The following XCL1 variants were observed in gnomAD, a reference collection of about 807,000 sequenced individuals.
The protein encoded by XCL1 is lymphotactin.
In XCL1, 6 loss-of-function variants were observed where a neutral mutation model predicts 7.4. The ratio of observed to expected loss-of-function variants is 0.82; its 90% CI spans 0.45 to 1.61. The LOEUF (loss-of-function observed/expected upper bound fraction) is 1.61, where lower values mean the gene tolerates loss of function less well. XCL1 is among the 40% of genes most tolerant of loss of function. XCL1 has a pLI of 0.01. For synonymous variants in XCL1, 48 were observed against 52.4 expected (o/e 0.92, Z 0.36); for missense variants, 122 against 138.2 (o/e 0.88, Z 0.59).
Position 168,581,845 on chromosome 1 carries a change from G to A in XCL1, c.*625G>A, listed in dbSNP as rs554183220. ...TCCCATTAGCAAAAATTAGAATTTT[G>A]GTATAAAGAAACTTTATTCAAGTAA... On this transcript the variant is annotated 3_prime_UTR_variant, in exon 3 of 3. Transcript: ENST00000367818. 2.0e-5 allele frequency: 3 copies of A among 151,908 alleles called. No individual in the cohort carries two copies. The highest frequency in any genetic ancestry group is 2.9e-5 in the Non-Finnish European group (2 of 67,980). The allele number at this position is 151,908 out of a possible 1,614,324, so 9.4% of individuals were successfully genotyped here.
Position 168,576,636 on chromosome 1 carries a change from C to A in XCL1, c.-2C>A, listed in dbSNP as rs1170371047. 6.2e-7 allele frequency: 1 copy of A among 1,613,630 alleles called. No homozygotes were observed. Among genetic ancestry groups the A allele is most frequent in the Non-Finnish European group, 8.5e-7 (1 of 1,179,758 alleles). On this transcript the variant is annotated 5_prime_UTR_variant, in exon 1 of 3. Transcript: ENST00000367818. ...CTTGCACAGCTCAGCAGGACCTCAG[C>A]CATGAGACTTCTCATCCTGGCCCTC...
At chr1:168,577,358 A>T (rs1388292663) in intron 1 of XCL1, among the ~76,000 whole-genome samples, 2 of 152,128 alleles carry the variant, frequency 1.3e-5, no homozygotes, top group East Asian at 3.8e-4. Flanking sequence ...TTTATGAGAA[A>T]TTTTCTGTTT....
chr1:168,577,297 T>C (rs1655046794), intron 1 of XCL1, among the ~76,000 whole-genome samples: 1 of 152,154 alleles, frequency 6.6e-6, no homozygotes, highest in Non-Finnish European at 1.5e-5. Context: ...AAAATCAATA[T>C]TACCTTCAAG....
In XCL1 at chr1:168,581,240, C is replaced by A; in HGVS notation, c.*20C>A. ...GGCTAGTAGTCTCTGGCACCCTGTCCGTCTCCAGCCAGCCAGCTCATTTCA... is the reference window on the plus strand; with the variant it reads ...GGCTAGTAGTCTCTGGCACCCTGTCAGTCTCCAGCCAGCCAGCTCATTTCA... On this transcript the variant is annotated 3_prime_UTR_variant, in exon 3 of 3. Transcript: ENST00000367818. 1 of 1,610,730 alleles carries A rather than the reference C, an allele frequency of 6.2e-7. No homozygotes were observed. Among genetic ancestry groups the A allele is most frequent in the Non-Finnish European group, 8.5e-7 (1 of 1,177,450 alleles).
chr1:168,577,600 T>C (rs985394997), intron 1 of XCL1, among the ~76,000 whole-genome samples: 18 of 152,178 alleles, frequency 1.2e-4, no homozygotes, highest in Non-Finnish European at 5.9e-5. Context: ...TATAACTTAA[T>C]AATGGGTCCC....
rs35085347 is a variant in XCL1 at position 168,581,100 on chromosome 1, A to G, written c.225A>G (p.Thr75=). The change falls in exon 3 of 3, where the codon ACA becomes ACG. Residue 75 remains threonine, a synonymous_variant. Transcript: ENST00000367818. ...GLKVCADPQA[T]WVRDVVRSMD... The stretch of plus-strand genomic sequence containing the variant: ...AAGTCTGTGCTGATCCACAAGCCAC[A>G]TGGGTGAGAGACGTGGTCAGGAGCA... The G allele has an allele frequency of 8.8e-3, 14,058 of 1,604,190 alleles. 264 individuals carry two copies. The highest frequency in any genetic ancestry group is 0.061 in the African/African-American group (4,412 of 72,884).
chr1:168,580,486 G>A (rs113978956), intron 2 of XCL1, among the ~76,000 whole-genome samples: 4,932 of 152,200 alleles, frequency 0.032, 103 homozygotes, highest in Non-Finnish European at 0.05. Context: ...CCATGTCAGG[G>A]TTTCCCTGCA....
At chr1:168,580,781 C>G (rs1476241058) in intron 2 of XCL1, among the ~76,000 whole-genome samples, 1 of 152,152 alleles carries the variant, frequency 6.6e-6, no homozygotes, top group Non-Finnish European at 1.5e-5. Flanking sequence ...GCCTCAAAGT[C>G]TTTTTGTTAC....
At chr1:168,580,206 G>T (rs754602760) in intron 2 of XCL1, 29 bp downstream of exon 2, 2 of 1,610,270 alleles carry the variant, frequency 1.2e-6, no homozygotes, top group Admixed American at 3.3e-5. Context: ...AAGTTGTGCT[G>T]GGTGGGTATC....
At chr1:168,577,985 C>T (rs902531574) in intron 1 of XCL1, among the ~76,000 whole-genome samples, 5 of 152,174 alleles carry the variant, frequency 3.3e-5, no homozygotes, top group African/African-American at 1.2e-4. Flanking sequence ...AACACAGACA[C>T]TCAAACATTG....
chr1:168,577,182 T>G (rs1198553628), intron 1 of XCL1, among the ~76,000 whole-genome samples: 2 of 152,168 alleles, frequency 1.3e-5, no homozygotes, highest in Admixed American at 1.3e-4. Flanking sequence ...GAGAGTTCAG[T>G]TACAATGTGG....
chr1:168,581,394 T>C lies in XCL1; in HGVS notation c.*174T>C. The C allele has an allele frequency of 4.1e-6, 3 of 727,546 alleles. No individual in the cohort carries two copies. The highest frequency in any genetic ancestry group is 2.0e-6 in the Non-Finnish European group (1 of 494,830). The allele number at this position is 727,546 out of a possible 1,614,324, so 45.1% of individuals were successfully genotyped here. A position where few individuals can be genotyped will look rare whatever the true frequency, so the allele number is the denominator to read the frequency against. On this transcript the variant is annotated 3_prime_UTR_variant, in exon 3 of 3. Coordinates refer to ENST00000367818, the MANE Select transcript of XCL1 (RefSeq NM_002995.3). ...CTTATATGTTCTAATTAATAAATTA[T>C]TTATTATTAAGAATAGTTCCCTAGT...
chr1:168,579,881 A>G (rs535535086), intron 1 of XCL1, among the ~76,000 whole-genome samples, 182 bp from the exon 2 acceptor site: 4,983 of 152,176 alleles, frequency 0.033, 254 homozygotes, highest in African/African-American at 0.11. Flanking sequence ...AATTAGTCAA[A>G]TATTTACTAA....
chr1:168,578,549 T>A (rs1173547277), intron 1 of XCL1: 1 of 183,792 alleles, frequency 5.4e-6, no homozygotes, highest in East Asian at 1.8e-4. Context: ...GATGCATATT[T>A]AAGGGCTGAC....
chr1:168,578,941 G>T (rs1655089192), intron 1 of XCL1: 1 of 371,800 alleles, frequency 2.7e-6, no homozygotes, highest in Admixed American at 3.6e-5. Flanking sequence ...AAGTTAACCA[G>T]CTTGATGGGG....
intron 1 of XCL1, among the ~76,000 whole-genome samples, chr1:168,578,441 C>T (rs1655077640): frequency 9.9e-5 from 15 of 152,160 alleles, no homozygotes; most frequent in Admixed American, 9.8e-4. Flanking sequence ...TCACCCAACC[C>T]TTAACAGTAT....
chr1:168,581,066 G>T lies in XCL1; in HGVS notation c.191G>T (p.Arg64Leu). 1 of 1,613,592 alleles carries T rather than the reference G, an allele frequency of 6.2e-7. No homozygotes were observed. Among genetic ancestry groups the T allele is most frequent in the Non-Finnish European group, 8.5e-7 (1 of 1,179,682 alleles). ...SLRAVIFITK[R>L]GLKVCADPQA... is the part of the protein sequence containing the mutation. The stretch of plus-strand genomic sequence containing the variant: ...TTGCGTTACAGTTTTATTACCAAAC[G>T]TGGCCTAAAAGTCTGTGCTGATCCA... The change falls in exon 3 of 3, where the codon CGT becomes CTT. Residue 64 changes from arginine (R) to leucine (L), a missense_variant. Physicochemically the swap from Arg to Leu is moderately radical, Grantham distance 102. Coordinates refer to ENST00000367818, the MANE Select transcript of XCL1 (RefSeq NM_002995.3).
intron 2 of XCL1, 65 bp downstream of exon 2, chr1:168,580,242 G>T (rs1214387351): frequency 6.5e-7 from 1 of 1,537,678 alleles, no homozygotes; most frequent in African/African-American, 1.4e-5. Flanking sequence ...ACACTCTGTA[G>T]AAATGCTGCC....
chr1:168,578,459 C>T (rs1655077809), intron 1 of XCL1, among the ~76,000 whole-genome samples: 1 of 152,148 alleles, frequency 6.6e-6, no homozygotes, highest in Non-Finnish European at 1.5e-5. Flanking sequence ...TATTAATTCT[C>T]CCAAGTTATT....
Sources: allele counts gnomAD v4.1 joint callset (sites outside exome capture counted in the v4.1 genomes callset), GRCh38; gene constraint gnomAD v4.1.1; transcripts MANE v1.5; gene names NCBI Gene and HGNC (gene_info 2026-07-23, HGNC 2026-07-21).